The following TKT variants were observed in gnomAD, a reference collection of about 807,000 sequenced individuals.
The protein encoded by TKT is epididymis luminal protein 107.
In TKT, 47 loss-of-function variants were observed where a neutral mutation model predicts 63.9. The observed-to-expected ratio is 0.74, with a 90% CI of 0.58 to 0.94. TKT has a LOEUF of 0.94. TKT is among the 40% of genes least tolerant of loss of function. TKT has a pLI of 0.00. For missense variants in TKT, 721 were observed against 846.2 expected (o/e 0.85, Z 1.84); for synonymous variants, 338 against 334.1 (o/e 1.01, Z -0.13).
chr3:53,244,850 G>A (rs1553680628), intron 1 of TKT, among the ~76,000 whole-genome samples: 1 of 146,026 alleles, frequency 6.8e-6, no homozygotes, highest in Admixed American at 7.0e-5. Context: ...CCCTGACTCT[G>A]TGATAAACAG....
rs141516680 is a variant in TKT at position 53,248,706 on chromosome 3, C to T, written c.108-6464G>A. On this transcript the variant is annotated intron_variant, in intron 1 of 13. Coordinates refer to ENST00000462138, the MANE Select transcript of TKT (RefSeq NM_001064.4). Reference sequence around the variant, plus strand: ...ACCCTCTAAAAATTATGCTAAGAGGCCAGACCCAAAAGAACTCATTCTGTA... The same window carrying T: ...ACCCTCTAAAAATTATGCTAAGAGGTCAGACCCAAAAGAACTCATTCTGTA... Among the ~76,000 whole-genome samples the T allele has an allele frequency of 4.1e-3, 620 of 151,878 alleles. 5 individuals carry two copies. The highest frequency in any genetic ancestry group is 0.014 in the African/African-American group (581 of 41,412).
intron 13 of TKT, chr3:53,226,324 A>T: frequency 4.0e-6 from 1 of 249,596 alleles, no homozygotes; most frequent in South Asian, 6.3e-5. Flanking sequence ...TCTACATTTG[A>T]CCCCAGAGTC....
intron 12 of TKT, chr3:53,227,642 A>G: frequency 5.7e-6 from 1 of 176,140 alleles, no homozygotes; most frequent in South Asian, 1.2e-4. Flanking sequence ...AGTCACATGC[A>G]TGTAACCCTC....
In TKT at chr3:53,233,230, C is replaced by T; in HGVS notation, c.674G>A (p.Cys225Tyr). The change falls in exon 6 of 14, where the codon TGC (cysteine) becomes TAC (tyrosine). Residue 225 changes from cysteine to tyrosine, a missense_variant. By Grantham distance (194) the Cys-to-Tyr change is radical (BLOSUM62 -2). Transcript: ENST00000462138. ...GTGCTTGGCCTGGCCAAAGGCCTTG[C>T]ACAGCTCCTCCACGCTGTGTCCATC... ...IVDGHSVEEL[C>Y]KAFGQAKHQP... 1 of 1,613,764 alleles carries T rather than the reference C, an allele frequency of 6.2e-7. No individual in the cohort carries two copies. The highest frequency in any genetic ancestry group is 8.5e-7 in the Non-Finnish European group (1 of 1,179,878).
At chr3:53,250,238 C>G (rs1326875544) in intron 1 of TKT, among the ~76,000 whole-genome samples, 1 of 152,206 alleles carries the variant, frequency 6.6e-6, no homozygotes, top group Non-Finnish European at 1.5e-5. Flanking sequence ...AGCCCAAAAA[C>G]AGAAACAGGC....
chr3:53,249,133 AT>A (rs1287553050), intron 1 of TKT, among the ~76,000 whole-genome samples: 1 of 149,666 alleles, frequency 6.7e-6, no homozygotes, highest in East Asian at 2.0e-4. Flanking sequence ...TGCCCGACTC[AT>A]TTTTTTTGTA....
At position 53,225,692 on chromosome 3, in the gene TKT, C is replaced by A; in HGVS notation, c.*64G>T. 1 of 1,502,896 alleles carries A rather than the reference C, an allele frequency of 6.7e-7. No individual in the cohort carries two copies. 93.1% of individuals were successfully genotyped at this position (1,502,896 alleles called of 1,614,324 possible). A position where few individuals can be genotyped will look rare whatever the true frequency, so the allele number is the denominator to read the frequency against. Reference sequence around the variant, plus strand: ...ATATTTACCCCTCCTCTCAGTACATCTTTGAGCACCTTTCCCAGAATCTCA... The same window carrying A: ...ATATTTACCCCTCCTCTCAGTACATATTTGAGCACCTTTCCCAGAATCTCA... On this transcript the variant is annotated 3_prime_UTR_variant, in exon 14 of 14. Coordinates refer to ENST00000462138, the MANE Select transcript of TKT (RefSeq NM_001064.4).
At chr3:53,241,776 AG>A in intron 2 of TKT, 1 of 327,176 alleles carries the variant, frequency 3.1e-6, no homozygotes, top group South Asian at 3.0e-5. Context: ...TAGAGCAGGT[AG>A]GGAGCCACAA....
chr3:53,231,230 A>AGG (rs1254506639), intron 7 of TKT, 127 bp downstream of exon 7: 9 of 1,040,612 alleles, frequency 8.6e-6, no homozygotes, highest in Admixed American at 2.6e-5. Flanking sequence ...ACAACACCTC[A>AGG]GGGATCACTC....
intron 1 of TKT, among the ~76,000 whole-genome samples, chr3:53,249,316 G>A (rs1463617710): frequency 4.0e-5 from 6 of 151,662 alleles, no homozygotes; most frequent in Admixed American, 1.3e-4. Flanking sequence ...AGTGGCTCAC[G>A]CCTGTAATCC....
chr3:53,247,935 T>C (rs1169613015), intron 1 of TKT, among the ~76,000 whole-genome samples: 8 of 152,214 alleles, frequency 5.3e-5, no homozygotes, highest in African/African-American at 1.9e-4. Flanking sequence ...ACAAGCTCCT[T>C]GAGGACAGAG....
chr3:53,241,487 G>A (rs1305331545), intron 2 of TKT, among the ~76,000 whole-genome samples: 1 of 152,270 alleles, frequency 6.6e-6, no homozygotes, highest in Admixed American at 6.5e-5. Context: ...GGGCACAGCT[G>A]TGAGGCTGGA....
intron 5 of TKT, 62 bp downstream of exon 5, chr3:53,234,921 G>A (rs1704943119): frequency 1.3e-6 from 2 of 1,504,976 alleles, no homozygotes; most frequent in African/African-American, 2.8e-5. Flanking sequence ...CACCTGCAAA[G>A]CTGTGATCAC....
rs1704460618 is a variant in TKT at position 53,225,593 on chromosome 3, C to T, written c.*163G>A. 2 of 893,888 alleles carry T rather than the reference C, an allele frequency of 2.2e-6. No individual in the cohort carries two copies. Among genetic ancestry groups the T allele is most frequent in the Middle Eastern group, 3.0e-4 (1 of 3,308 alleles). The allele number at this position is 893,888 out of a possible 1,614,324, so 55.4% of individuals were successfully genotyped here. A position where few individuals can be genotyped will look rare whatever the true frequency, so the allele number is the denominator to read the frequency against. On this transcript the variant is annotated 3_prime_UTR_variant, in exon 14 of 14. Coordinates refer to ENST00000462138, the MANE Select transcript of TKT (RefSeq NM_001064.4). Reference sequence around the variant, plus strand: ...CCTAGCGCACCCTCCACGCTTCTTCCCCAGAACCTGCACTGGCTGCAAACA... The same window carrying T: ...CCTAGCGCACCCTCCACGCTTCTTCTCCAGAACCTGCACTGGCTGCAAACA...
At chr3:53,243,411 C>T (rs1466145618) in intron 1 of TKT, among the ~76,000 whole-genome samples, 10 of 152,122 alleles carry the variant, frequency 6.6e-5, no homozygotes, top group African/African-American at 2.4e-4. Context: ...CCCAAGGGCA[C>T]ATGCACCATC....
At chr3:53,239,177 C>A (rs1426295859) in intron 4 of TKT, among the ~76,000 whole-genome samples, 1 of 152,108 alleles carries the variant, frequency 6.6e-6, no homozygotes, top group East Asian at 1.9e-4. Context: ...TACCTTCCAG[C>A]ATGACTGTGA....
intron 4 of TKT, 140 bp from the exon 5 acceptor site, chr3:53,235,314 C>A (rs1330594047): frequency 9.9e-6 from 7 of 703,952 alleles, no homozygotes; most frequent in African/African-American, 1.8e-5. Context: ...CATTTACACT[C>A]GAGGGGCAAC....
chr3:53,226,632 A>T, intron 13 of TKT, 124 bp downstream of exon 13: 1 of 1,413,228 alleles, frequency 7.1e-7, no homozygotes, highest in Non-Finnish European at 9.8e-7. Flanking sequence ...AGCTGCTCTG[A>T]GGGACAGCTC....
At chr3:53,229,543 AT>A in intron 8 of TKT, 107 bp from the exon 9 acceptor site, 1 of 1,268,400 alleles carries the variant, frequency 7.9e-7, no homozygotes, top group Non-Finnish European at 1.1e-6. Flanking sequence ...TAGATTGTCC[AT>A]CCTTTCTGGG....
Sources: gnomAD v4.1 joint callset for allele counts (sites outside exome capture counted in the v4.1 genomes callset) on GRCh38, gnomAD v4.1.1 for gene constraint, MANE v1.5 for transcripts, NCBI Gene and HGNC (gene_info 2026-07-23, HGNC 2026-07-21) for gene names.